TGFBI: variants seen among roughly 807,000 people sequenced by gnomAD.
TGFBI encodes the protein transforming growth factor-beta-induced protein ig-h3.
A neutral mutation model predicts 73.7 loss-of-function variants in TGFBI; 50 were observed. The ratio of observed to expected loss-of-function variants is 0.68; its 90% CI spans 0.54 to 0.86. The LOEUF (loss-of-function observed/expected upper bound fraction) is 0.86. Among genes scored for constraint, TGFBI ranks in the 40% least tolerant of loss-of-function variants. The pLI, the probability that TGFBI is intolerant of heterozygous loss-of-function variation, is 0.00. For missense variants in TGFBI, 839 were observed against 877.0 expected (o/e 0.96, Z 0.55); for synonymous variants, 362 against 360.5 (o/e 1.00, Z -0.05).
Position 136,053,041 on chromosome 5 carries a change from G to T in TGFBI, c.1048G>T (p.Ala350Ser), listed in dbSNP as rs1751564813. Residue 350 changes from alanine (A) to serine (S), a missense_variant, in exon 8 of 17, where the codon GCG (alanine) becomes TCG (serine). Coordinates refer to ENST00000442011, the MANE Select transcript of TGFBI (RefSeq NM_000358.3). ...GGACATGCTCACTATCAACGGGAAG[G>T]CGATCATCTCCAATAAAGACATCCT... ...SGDMLTINGK[A>S]IISNKDILAT... is the part of the protein sequence containing the mutation. 1 of 1,613,950 alleles carries T rather than the reference G, an allele frequency of 6.2e-7. No individual in the cohort carries two copies. Among genetic ancestry groups the T allele is most frequent in the African/African-American group, 1.3e-5 (1 of 74,950 alleles).
chr5:136,034,116 C>T (rs1751174270), intron 2 of TGFBI, among the ~76,000 whole-genome samples: 1 of 151,590 alleles, frequency 6.6e-6, no homozygotes, highest in South Asian at 2.1e-4. Context: ...AAACATGAAA[C>T]ACTGCGTGTG....
intron 7 of TGFBI, 54 bp from the exon 8 acceptor site, chr5:136,052,853 C>T (rs909920583): frequency 1.3e-6 from 2 of 1,565,042 alleles, no homozygotes; most frequent in East Asian, 4.5e-5. Flanking sequence ...CAAGTGGTCC[C>T]TGAGGTTATC....
chr5:136,044,387 C>T (rs558529950), intron 3 of TGFBI, among the ~76,000 whole-genome samples: 2 of 152,374 alleles, frequency 1.3e-5, no homozygotes, highest in East Asian at 3.9e-4. Flanking sequence ...CCATGCCCTT[C>T]CCAGCAGGCA....
chr5:136,047,108 A>G, intron 5 of TGFBI, 93 bp downstream of exon 5: 1 of 1,548,462 alleles, frequency 6.5e-7, no homozygotes, highest in South Asian at 1.2e-5. Flanking sequence ...TTTAAGCTGT[A>G]GACAACCCAC....
chr5:136,060,127 T>C (rs967430474), intron 13 of TGFBI, among the ~76,000 whole-genome samples: 3 of 103,084 alleles, frequency 2.9e-5, no homozygotes, highest in Non-Finnish European at 5.7e-5. Context: ...AGGAAGCCTG[T>C]CTTCCATTTC....
chr5:136,041,259 C>G (rs748243513), intron 2 of TGFBI, among the ~76,000 whole-genome samples: 1 of 152,244 alleles, frequency 6.6e-6, no homozygotes, highest in Non-Finnish European at 1.5e-5. Flanking sequence ...CTGAAAGCCA[C>G]ACTCGGTTAA....
At chr5:136,056,556 T>C (rs1751635048) in intron 11 of TGFBI, 109 bp from the exon 12 acceptor site, 3 of 1,458,406 alleles carry the variant, frequency 2.1e-6, no homozygotes, top group Non-Finnish European at 1.9e-6. Context: ...TGGCCTGGAC[T>C]CTACTATCCT....
At chr5:136,033,435 C>A (rs1196306862) in intron 1 of TGFBI, among the ~76,000 whole-genome samples, 1 of 152,176 alleles carries the variant, frequency 6.6e-6, no homozygotes, top group Non-Finnish European at 1.5e-5. Context: ...GCATGCAGAG[C>A]ATGTCTGTAT....
At chr5:136,055,983 G>T (rs763520660) in intron 11 of TGFBI, among the ~76,000 whole-genome samples, 167 bp downstream of exon 11, 1 of 152,162 alleles carries the variant, frequency 6.6e-6, no homozygotes, top group Non-Finnish European at 1.5e-5. Context: ...GGCAAGGGTC[G>T]CCTTGAAAGC....
chr5:136,062,697 G>A lies in TGFBI; in HGVS notation c.2011+10G>A, dbSNP rs1156621346. On this transcript the variant is annotated intron_variant, in intron 16 of 16. Coordinates refer to ENST00000442011, the MANE Select transcript of TGFBI (RefSeq NM_000358.3). ...AGGTCTGTGCGACTAGGTGAGTCTG[G>A]TCTGGGTTTGAAGTCATTGCAGACC... is the stretch of plus-strand genomic sequence containing the variant. 3 of 1,566,316 alleles carry A rather than the reference G, an allele frequency of 1.9e-6. No individual in the cohort carries two copies. The highest frequency in any genetic ancestry group is 2.7e-5 in the African/African-American group (2 of 73,934).
Position 136,058,979 on chromosome 5 carries a change from G to C in TGFBI, c.1679-111G>C, listed in dbSNP as rs1181185066. 2.9e-6 allele frequency: 4 copies of C among 1,364,050 alleles called. No individual in the cohort carries two copies. In the East Asian group the frequency reaches 7.5e-5, roughly 26 times the overall value. The allele number at this position is 1,364,050 out of a possible 1,614,324, so 84.5% of individuals were successfully genotyped here. ...AATAAGTGCTTATTCCCTGGGCAGG[G>C]AGTTCTTCATTTCAGGGGTGACCAC... On this transcript the variant is annotated intron_variant, in intron 12 of 16. Coordinates refer to ENST00000442011, the MANE Select transcript of TGFBI (RefSeq NM_000358.3).
At chr5:136,042,300 T>C (rs1751354046) in intron 2 of TGFBI, among the ~76,000 whole-genome samples, 2 of 152,166 alleles carry the variant, frequency 1.3e-5, no homozygotes, top group African/African-American at 4.8e-5. Flanking sequence ...GAGTGTGAGA[T>C]TGCAAGTAAC....
intron 12 of TGFBI, among the ~76,000 whole-genome samples, chr5:136,057,939 T>C (rs1336858200): frequency 6.6e-6 from 1 of 152,176 alleles, no homozygotes. Context: ...CTGAGCCAGC[T>C]TGGCTTTCTT....
rs538766019 is a variant in TGFBI, at chr5:136,029,401, G to A, written c.134+212G>A. Among the ~76,000 whole-genome samples the A allele has an allele frequency of 2.0e-5, 3 of 152,334 alleles. No homozygotes were observed. The South Asian group carries it at 6.2e-4, about 32-fold the overall frequency. ...GACCATGGAGGGAAAGCGGGAGGCCGCCGCTTTGTAGAAGGGAGTGGGGAA... is the reference window on the plus strand; with the variant it reads ...GACCATGGAGGGAAAGCGGGAGGCCACCGCTTTGTAGAAGGGAGTGGGGAA... On this transcript the variant is annotated intron_variant, in intron 1 of 16. Coordinates refer to ENST00000442011, the MANE Select transcript of TGFBI (RefSeq NM_000358.3).
intron 5 of TGFBI, 43 bp downstream of exon 5, chr5:136,047,058 T>C: frequency 3.7e-6 from 6 of 1,601,826 alleles, no homozygotes; most frequent in Non-Finnish European, 5.1e-6. Flanking sequence ...TGGTGCATAA[T>C]GAACCCATTT....
At chr5:136,029,707 G>A (rs1580705750) in intron 1 of TGFBI, among the ~76,000 whole-genome samples, 1 of 152,192 alleles carries the variant, frequency 6.6e-6, no homozygotes, top group South Asian at 2.1e-4. Flanking sequence ...GACACTGCTG[G>A]CACCCGACAC....
intron 9 of TGFBI, 116 bp downstream of exon 9, chr5:136,054,196 C>T: frequency 7.2e-7 from 1 of 1,385,666 alleles, no homozygotes; most frequent in South Asian, 1.4e-5. Context: ...AACTTCCACT[C>T]AGCTCAACCA....
chr5:136,034,041 T>C (rs1195615040), intron 2 of TGFBI, among the ~76,000 whole-genome samples, 180 bp downstream of exon 2: 1 of 152,128 alleles, frequency 6.6e-6, no homozygotes, highest in African/African-American at 2.4e-5. Flanking sequence ...CCAATTTTGT[T>C]TTGCATTTTT....
At chr5:136,039,665 C>T (rs1038646704) in intron 2 of TGFBI, among the ~76,000 whole-genome samples, 5 of 152,244 alleles carry the variant, frequency 3.3e-5, no homozygotes, top group Non-Finnish European at 7.3e-5. Flanking sequence ...AATGCCCTCA[C>T]ATGCTGCATA....
Sources: allele counts gnomAD v4.1 joint callset (sites outside exome capture counted in the v4.1 genomes callset), GRCh38; gene constraint gnomAD v4.1.1; transcripts MANE v1.5; gene names NCBI Gene and HGNC (gene_info 2026-07-23, HGNC 2026-07-21).